The following RTL4 variants were observed in gnomAD, a reference collection of about 807,000 sequenced individuals.
RTL4 encodes the protein retrotransposon Gag like 4, also known as retrotransposon Gag-like protein 4.
In RTL4, 4 loss-of-function variants were observed where a neutral mutation model predicts 5.3. The observed-to-expected ratio is 0.75, with a 90% CI of 0.37 to 1.72. The LOEUF is 1.72. RTL4 is among the 40% of genes most tolerant of loss of function. RTL4 has a pLI of 0.04. For synonymous variants in RTL4, 98 were observed against 87.3 expected (o/e 1.12, Z -0.68); for missense variants, 260 against 227.1 (o/e 1.14, Z -0.93).
the RTL4 span, among the ~76,000 whole-genome samples, chrX:112,125,608 C>T: frequency 9.0e-6 from 1 of 111,728 alleles, no homozygotes; most frequent in Non-Finnish European, 1.9e-5. Flanking sequence ...TTATCAATTG[C>T]ACAATTAACT....
the RTL4 span, among the ~76,000 whole-genome samples, chrX:112,152,628 G>C: frequency 6.3e-3 from 704 of 112,013 alleles, 6 homozygotes; most frequent in South Asian, 0.077. Context: ...AACACAGCTA[G>C]GTAGTAGTCC....
chrX:112,353,551 G>A, the RTL4 span, among the ~76,000 whole-genome samples: 2 of 110,778 alleles, frequency 1.8e-5, no homozygotes, highest in East Asian at 5.7e-4. Flanking sequence ...GATGAAACTG[G>A]AAACCATCAT....
At chrX:112,289,054 C>T in the RTL4 span, among the ~76,000 whole-genome samples, 4 of 111,638 alleles carry the variant, frequency 3.6e-5, no homozygotes, top group South Asian at 1.5e-3. Context: ...AAAACTGAAA[C>T]GCTAAGACCC....
the RTL4 span, among the ~76,000 whole-genome samples, chrX:112,266,042 A>C: frequency 0.085 from 9,371 of 110,344 alleles, 981 homozygotes; most frequent in African/African-American, 0.29. Context: ...AAGGGCAAAC[A>C]AGATAGCCAC....
chrX:112,084,280 C>T, the RTL4 span, among the ~76,000 whole-genome samples: 73 of 110,882 alleles, frequency 6.6e-4, 1 homozygote, highest in Non-Finnish European at 1.2e-3. Flanking sequence ...AAATTTTCCC[C>T]TTGTCGTTAG....
chrX:112,273,760 G>A, the RTL4 span, among the ~76,000 whole-genome samples: 1 of 111,471 alleles, frequency 9.0e-6, no homozygotes, highest in Non-Finnish European at 1.9e-5. Flanking sequence ...GTTGTGCTTT[G>A]TGACCTTGAG....
chrX:112,297,723 TC>T, the RTL4 span, among the ~76,000 whole-genome samples: 3 of 111,168 alleles, frequency 2.7e-5, no homozygotes, highest in Admixed American at 9.6e-5. Flanking sequence ...TCTAGGTCTG[TC>T]CCCCCAACAA....
At chrX:112,139,680 C>T in the RTL4 span, among the ~76,000 whole-genome samples, 2 of 112,004 alleles carry the variant, frequency 1.8e-5, no homozygotes. Flanking sequence ...AATCATTTAT[C>T]TCAGCATAGA....
chrX:112,237,230 A>C, the RTL4 span, among the ~76,000 whole-genome samples: 3 of 112,263 alleles, frequency 2.7e-5, no homozygotes, highest in African/African-American at 9.7e-5. Context: ...AGGGGCAACA[A>C]GAAGAAGTGC....
the RTL4 span, among the ~76,000 whole-genome samples, chrX:112,312,451 G>A: frequency 3.6e-5 from 4 of 111,509 alleles, no homozygotes; most frequent in East Asian, 1.1e-3. Context: ...AATATCTCAG[G>A]ACTCCTGGGA....
the RTL4 span, among the ~76,000 whole-genome samples, chrX:112,404,486 C>T: frequency 7.7e-4 from 86 of 111,731 alleles, no homozygotes; most frequent in African/African-American, 2.3e-3. Context: ...TTTCTCTTTG[C>T]GTCCCCTTCT....
At chrX:112,149,540 A>T in the RTL4 span, among the ~76,000 whole-genome samples, 1 of 111,683 alleles carries the variant, frequency 9.0e-6, no homozygotes, top group Non-Finnish European at 1.9e-5. Flanking sequence ...CTCAAGCAGG[A>T]GAATGACTGG....
the RTL4 span, chrX:112,381,306 C>T: frequency 3.0e-5 from 36 of 1,207,036 alleles, no homozygotes; most frequent in African/African-American, 5.5e-4. Context: ...CTCCTTCCAC[C>T]GTATCATAGT....
At chrX:112,444,589 A>G in the RTL4 span, among the ~76,000 whole-genome samples, 4 of 111,918 alleles carry the variant, frequency 3.6e-5, no homozygotes, top group African/African-American at 1.3e-4. Flanking sequence ...TAGTTTGAGT[A>G]CACTTAATAT....
the RTL4 span, among the ~76,000 whole-genome samples, chrX:112,253,757 G>A: frequency 6.2e-5 from 7 of 112,140 alleles, no homozygotes; most frequent in Non-Finnish European, 1.3e-4. Flanking sequence ...CTCAATCTTA[G>A]CCCCTGTTCT....
the RTL4 span, among the ~76,000 whole-genome samples, chrX:112,188,564 T>G: frequency 9.0e-6 from 1 of 111,692 alleles, no homozygotes; most frequent in Non-Finnish European, 1.9e-5. Context: ...AGGTCTTACT[T>G]AGAATGAGTC....
At chrX:112,273,292 T>C in the RTL4 span, among the ~76,000 whole-genome samples, 1 of 108,605 alleles carries the variant, frequency 9.2e-6, no homozygotes, top group Non-Finnish European at 1.9e-5. Flanking sequence ...CTCCCTCTGT[T>C]GCCCAGGCTG....
the RTL4 span, among the ~76,000 whole-genome samples, chrX:112,342,217 CTT>C: frequency 1.8e-5 from 2 of 111,272 alleles, no homozygotes; most frequent in African/African-American, 6.5e-5. Context: ...AGGATGAACA[CTT>C]TTAACAAAGG....
the RTL4 span, among the ~76,000 whole-genome samples, chrX:112,431,629 C>T: frequency 9.2e-4 from 103 of 111,742 alleles, no homozygotes; most frequent in Middle Eastern, 4.6e-3. Flanking sequence ...CAGCAGTTTG[C>T]CCTGTGACCT....
Sources: allele counts gnomAD v4.1 joint callset (sites outside exome capture counted in the v4.1 genomes callset), GRCh38; gene constraint gnomAD v4.1.1; transcripts MANE v1.5; gene names NCBI Gene and HGNC (gene_info 2026-07-23, HGNC 2026-07-21).